ZNRF3: variants seen among roughly 807,000 people sequenced by gnomAD.
The protein encoded by ZNRF3 is zinc and ring finger 3.
In ZNRF3, 23 loss-of-function variants were observed where a neutral mutation model predicts 72.5. The observed-to-expected ratio is 0.32, with a 90% confidence interval of 0.23 to 0.45. The LOEUF (loss-of-function observed/expected upper bound fraction) is 0.45. Among genes scored for constraint, ZNRF3 ranks in the 20% least tolerant of loss-of-function variants. ZNRF3 has a pLI of 1.00. For synonymous variants in ZNRF3, 610 were observed against 545.3 expected, an observed-to-expected ratio of 1.12 and a Z score of -1.65; for missense variants, 1,169 against 1,272.1, an observed-to-expected ratio of 0.92 and a Z score of 1.23.
At chr22:28,957,995 G>C (rs564271024) in intron 1 of ZNRF3, among the ~76,000 whole-genome samples, 1 of 152,004 alleles carries the variant, frequency 6.6e-6, no homozygotes, top group African/African-American at 2.4e-5. Flanking sequence ...AGACCATCCT[G>C]GCTAACACGG....
rs144740219 is a variant in ZNRF3, at chr22:28,957,404, A to G, written c.301-29672A>G. Among the ~76,000 whole-genome samples the G allele has an allele frequency of 3.0e-3, 457 of 152,218 alleles. 1 individual carries two copies. Among genetic ancestry groups the G allele is most frequent in the African/African-American group, 0.01 (418 of 41,532 alleles). ...TACTGAACGAGTTTCTAAACTTCCA[A>G]ATTGCTTTCTGATTGGATAATAATG... On this transcript the variant is annotated intron_variant, in intron 1 of 8. Transcript: ENST00000544604.
At position 29,048,129 on chromosome 22, in the gene ZNRF3, G is replaced by A. The variant is rs1211353168; in HGVS notation, c.913-260G>A. On this transcript the variant is annotated intron_variant, in intron 6 of 8. Coordinates refer to ENST00000544604, the MANE Select transcript of ZNRF3 (RefSeq NM_001206998.2). This position sits in a 1 kb window ranked among gnomAD's most constrained non-coding sequence, Gnocchi z 4.9. ...GTGTGTTTGCCCTCCTCCAGCTACG[G>A]GAAAGACGCCTGCCTCTGTGCGTGC... Among the ~76,000 whole-genome samples the A allele has an allele frequency of 2.0e-5, 3 of 152,172 alleles. No individual in the cohort carries two copies. Among genetic ancestry groups the A allele is most frequent in the Non-Finnish European group, 4.4e-5 (3 of 68,028 alleles).
chr22:28,926,797 CAAA>C (rs747908278), intron 1 of ZNRF3, among the ~76,000 whole-genome samples: 5 of 77,472 alleles, frequency 6.5e-5, no homozygotes, highest in Non-Finnish European at 2.7e-5. Flanking sequence ...AACTCCATCT[CAAA>C]AAAAAAAAAA....
In ZNRF3 at chr22:28,978,153, A is replaced by G. The variant is rs1296643726; in HGVS notation, c.301-8923A>G. Among the ~76,000 whole-genome samples, 7 of 152,218 alleles carry G rather than the reference A, an allele frequency of 4.6e-5. No homozygotes were observed. The East Asian group carries it at 1.2e-3, about 25-fold the overall frequency. On this transcript the variant is annotated intron_variant, in intron 1 of 8. Transcript: ENST00000544604. ...CCTGGTACCAGAGATGGCCAGGTATATGCATTGCTTGTTGGTAGCATTTTG... is the reference window on the plus strand; with the variant it reads ...CCTGGTACCAGAGATGGCCAGGTATGTGCATTGCTTGTTGGTAGCATTTTG...
intron 2 of ZNRF3, among the ~76,000 whole-genome samples, chr22:28,991,188 G>A (rs1003434383): frequency 8.0e-5 from 12 of 149,490 alleles, no homozygotes; most frequent in African/African-American, 2.9e-4. Context: ...AGGCTGAGGT[G>A]GGAGGATTGC....
chr22:28,956,549 T>A (rs2035264980), intron 1 of ZNRF3, among the ~76,000 whole-genome samples: 1 of 152,152 alleles, frequency 6.6e-6, no homozygotes, highest in Non-Finnish European at 1.5e-5. Flanking sequence ...GGGACTCGTC[T>A]GCAAAGAAAG....
At chr22:28,899,323 A>G (rs1056852601) in intron 1 of ZNRF3, among the ~76,000 whole-genome samples, 8 of 152,204 alleles carry the variant, frequency 5.3e-5, no homozygotes, top group African/African-American at 1.9e-4. Flanking sequence ...AAGTTTTCAC[A>G]TTTAATGAAT....
intron 2 of ZNRF3, among the ~76,000 whole-genome samples, chr22:29,022,217 C>T (rs1012648683): frequency 1.3e-5 from 2 of 152,106 alleles, no homozygotes; most frequent in South Asian, 2.1e-4. Flanking sequence ...GAAAAGAGAA[C>T]GCTGCTTTTT....
At chr22:28,949,005 G>A (rs1438630624) in intron 1 of ZNRF3, among the ~76,000 whole-genome samples, 1 of 152,164 alleles carries the variant, frequency 6.6e-6, no homozygotes, top group Non-Finnish European at 1.5e-5. Context: ...TTGAGGTGGA[G>A]TTTCGCTCCT....
intron 1 of ZNRF3, among the ~76,000 whole-genome samples, chr22:28,921,130 C>A (rs889372998): frequency 6.6e-6 from 1 of 152,160 alleles, no homozygotes; most frequent in Non-Finnish European, 1.5e-5. Flanking sequence ...GTTTAAAAAA[C>A]CCCCACCAAA....
At chr22:28,963,744 A>G (rs1448583550) in intron 1 of ZNRF3, among the ~76,000 whole-genome samples, 1 of 152,192 alleles carries the variant, frequency 6.6e-6, no homozygotes, top group Non-Finnish European at 1.5e-5. Context: ...TCTTTACCTC[A>G]TTAAGCTACC....
chr22:29,021,109 C>T (rs746540641), intron 2 of ZNRF3, among the ~76,000 whole-genome samples: 6 of 151,918 alleles, frequency 3.9e-5, no homozygotes, highest in Non-Finnish European at 8.8e-5. Flanking sequence ...TTTAAAAATA[C>T]TGTAATCCCG....
At position 29,050,905 on chromosome 22, in the gene ZNRF3, C is replaced by T. The variant is rs769844017; in HGVS notation, c.2724C>T (p.Leu908=). The T allele has an allele frequency of 9.0e-6, 14 of 1,559,976 alleles. No individual in the cohort carries two copies. The Middle Eastern group carries it at 1.4e-3, about 155-fold the overall frequency. The part of the protein sequence containing the change: ...GAVRANFPSA[L]QDTQESSTTA... ...TCAGGGCCAACTTCCCTAGTGCCCT[C>T]CAGGACACTCAGGAGTCCAGCACCA... The change falls in exon 8 of 9, where the codon CTC becomes CTT. Residue 908 remains leucine, a synonymous_variant. Coordinates refer to ENST00000544604, the MANE Select transcript of ZNRF3 (RefSeq NM_001206998.2).
At chr22:28,989,302 G>A (rs1485001352) in intron 2 of ZNRF3, among the ~76,000 whole-genome samples, 2 of 152,136 alleles carry the variant, frequency 1.3e-5, no homozygotes, top group East Asian at 1.9e-4. Context: ...TTTTGCATTT[G>A]TTTAAAGCCT....
chr22:28,902,546 T>C lies in ZNRF3; in HGVS notation c.300+18480T>C, dbSNP rs376158305. The stretch of plus-strand genomic sequence containing the variant: ...TACAGGCGCCCTGCTGATTTTTGTA[T>C]TTTTCACCAGGTTCTTTAAGCATGT... On this transcript the variant is annotated intron_variant, in intron 1 of 8. Coordinates refer to ENST00000544604, the MANE Select transcript of ZNRF3 (RefSeq NM_001206998.2). 2.0e-5 allele frequency among the ~76,000 whole-genome samples: 3 copies of C among 152,140 alleles called. No homozygotes were observed. The East Asian group carries it at 5.8e-4, about 29-fold the overall frequency.
chr22:28,939,573 C>T (rs2034905593), intron 1 of ZNRF3, among the ~76,000 whole-genome samples: 1 of 152,054 alleles, frequency 6.6e-6, no homozygotes, highest in Non-Finnish European at 1.5e-5. Flanking sequence ...TCCCCTGTGC[C>T]CTCAGTCTTT....
In ZNRF3 at chr22:29,055,639, G is replaced by A. The variant is rs2037284906; in HGVS notation, c.*2017G>A. On this transcript the variant is annotated 3_prime_UTR_variant, in exon 9 of 9. Transcript: ENST00000544604. Reference sequence around the variant, plus strand: ...TATCGAGGGTGTGAGAAGCGCCTAAGCTGGTGACATGTGATCTGGGACGCC... The same window carrying A: ...TATCGAGGGTGTGAGAAGCGCCTAAACTGGTGACATGTGATCTGGGACGCC... The A allele has an allele frequency of 6.6e-6, 1 of 152,260 alleles. No homozygotes were observed. Among genetic ancestry groups the A allele is most frequent in the Non-Finnish European group, 1.5e-5 (1 of 68,064 alleles). The allele number at this position is 152,260 out of a possible 1,614,324, so 9.4% of individuals were successfully genotyped here.
chr22:28,957,909 G>A (rs1201940968), intron 1 of ZNRF3, among the ~76,000 whole-genome samples: 1 of 152,024 alleles, frequency 6.6e-6, no homozygotes, highest in Non-Finnish European at 1.5e-5. Context: ...ACTCTTGCTG[G>A]GCGCGGTGGT....
At chr22:28,889,471 G>A (rs187666398) in intron 1 of ZNRF3, among the ~76,000 whole-genome samples, 264 of 152,286 alleles carry the variant, frequency 1.7e-3, no homozygotes, top group African/African-American at 6.0e-3. Flanking sequence ...GAAGTCTACA[G>A]GTCTGGGTGC....
Sources: allele counts gnomAD v4.1 joint callset (sites outside exome capture counted in the v4.1 genomes callset), GRCh38; gene constraint gnomAD v4.1.1; non-coding constraint Gnocchi (gnomAD v3.1); transcripts MANE v1.5; gene names NCBI Gene and HGNC (gene_info 2026-07-23, HGNC 2026-07-21).